The following CACHD1 variants were observed in gnomAD, a reference collection of about 807,000 sequenced individuals.
CACHD1 encodes cache domain containing 1, also known as VWFA and cache domain-containing protein 1.
A neutral mutation model predicts 138.7 loss-of-function variants in CACHD1; 71 were observed. That is an observed-to-expected ratio of 0.51 (90% CI 0.42 to 0.62). CACHD1 has a LOEUF of 0.62. Among genes scored for constraint, CACHD1 ranks in the 20% least tolerant of loss-of-function variants. CACHD1 has a pLI of 0.00. For missense variants in CACHD1, 1,389 were observed against 1,625.3 expected (o/e 0.85, Z 2.50); for synonymous variants, 578 against 591.5 (o/e 0.98, Z 0.33).
chr1:64,588,764 G>A (rs755223831), intron 3 of CACHD1, among the ~76,000 whole-genome samples: 24 of 152,076 alleles, frequency 1.6e-4, no homozygotes, highest in Non-Finnish European at 2.6e-4. Context: ...CTACCTGTTG[G>A]TATTCTTATT....
chr1:64,582,585 T>C (rs1647021475), intron 3 of CACHD1, among the ~76,000 whole-genome samples: 1 of 152,178 alleles, frequency 6.6e-6, no homozygotes, highest in South Asian at 2.1e-4. Flanking sequence ...AGAATCTAAA[T>C]CTAGAAAATT....
intron 3 of CACHD1, among the ~76,000 whole-genome samples, chr1:64,600,583 C>G (rs1570405169): frequency 6.6e-6 from 1 of 152,248 alleles, no homozygotes; most frequent in East Asian, 1.9e-4. Context: ...AATATGAGCA[C>G]CTACTTATGA....
intron 26 of CACHD1, among the ~76,000 whole-genome samples, chr1:64,686,050 A>G (rs892521245): frequency 1.3e-5 from 2 of 152,310 alleles, no homozygotes; most frequent in African/African-American, 4.8e-5. Flanking sequence ...AGCTTCCTTA[A>G]AAGAGTAAAA....
At chr1:64,478,614 C>G (rs1034403366) in intron 1 of CACHD1, among the ~76,000 whole-genome samples, 2 of 152,136 alleles carry the variant, frequency 1.3e-5, no homozygotes, top group Non-Finnish European at 2.9e-5. Flanking sequence ...CCCTAAGACC[C>G]CAGAGCTCTG....
At chr1:64,566,685 TA>T (rs1205677327) in intron 2 of CACHD1, among the ~76,000 whole-genome samples, 1 of 151,896 alleles carries the variant, frequency 6.6e-6, no homozygotes, top group African/African-American at 2.4e-5. Context: ...GGCTTTTTTT[TA>T]AATGGTCTAT....
At chr1:64,674,268 G>A (rs895971295) in intron 19 of CACHD1, among the ~76,000 whole-genome samples, 6 of 152,162 alleles carry the variant, frequency 3.9e-5, no homozygotes, top group African/African-American at 1.4e-4. Context: ...TTCAAAGCAA[G>A]GGAAGTCATT....
chr1:64,483,507 A>G (rs1327981418), intron 1 of CACHD1, among the ~76,000 whole-genome samples: 2 of 151,982 alleles, frequency 1.3e-5, no homozygotes, highest in Admixed American at 6.6e-5. Flanking sequence ...GTAAATTTTG[A>G]GTAATGTTTT....
At chr1:64,655,456 T>C (rs1649231125) in intron 12 of CACHD1, among the ~76,000 whole-genome samples, 1 of 152,190 alleles carries the variant, frequency 6.6e-6, no homozygotes, top group Non-Finnish European at 1.5e-5. Flanking sequence ...TTGGTTTTTT[T>C]CAGTTCAACT....
chr1:64,653,361 A>G (rs1373540695), intron 10 of CACHD1, among the ~76,000 whole-genome samples: 2 of 149,976 alleles, frequency 1.3e-5, no homozygotes, highest in East Asian at 4.0e-4. Flanking sequence ...AAACCTGCAC[A>G]TGTACCCCTG....
At chr1:64,482,002 A>T (rs1165230798) in intron 1 of CACHD1, among the ~76,000 whole-genome samples, 2 of 152,228 alleles carry the variant, frequency 1.3e-5, no homozygotes, top group East Asian at 3.8e-4. Flanking sequence ...GTATATTACC[A>T]TTAAAAGATA....
intron 1 of CACHD1, among the ~76,000 whole-genome samples, chr1:64,510,726 A>G (rs975327105): frequency 1.3e-5 from 2 of 152,242 alleles, no homozygotes; most frequent in Non-Finnish European, 2.9e-5. Flanking sequence ...TGCCAAAACC[A>G]GAAATTGCCA....
At position 64,664,515 on chromosome 1, in the gene CACHD1, A is replaced by C. The variant is rs745569227; in HGVS notation, c.2112A>C (p.Glu704Asp). ...TTTCCCAGTTCTCTGTCAGAAATGA[A>C]GTAATGGCTACCAGCCACGTCACAG... The part of the protein sequence containing the change: ...NPGLKFSVRN[E>D]VMATSHVTDE... Residue 704 changes from glutamate to aspartate, a missense_variant, in exon 15 of 27, where the codon GAA (glutamate) becomes GAC (aspartate). Transcript: ENST00000651257. The C allele has an allele frequency of 6.2e-7, 1 of 1,614,046 alleles. No homozygotes were observed.
intron 1 of CACHD1, among the ~76,000 whole-genome samples, chr1:64,528,771 A>T (rs1646559841): frequency 6.6e-6 from 1 of 152,066 alleles, no homozygotes; most frequent in Non-Finnish European, 1.5e-5. Flanking sequence ...GGGATCTCTG[A>T]AAAGAAGAAT....
Position 64,653,799 on chromosome 1 carries a change from T to C in CACHD1, c.1582T>C (p.Leu528=). 1 of 1,613,486 alleles carries C rather than the reference T, an allele frequency of 6.2e-7. No homozygotes were observed. Among genetic ancestry groups the C allele is most frequent in the Non-Finnish European group, 8.5e-7 (1 of 1,179,468 alleles). ...CCCATCTCTTACCAGGCCATATTTA[T>C]TGTCAGAGCCCCCACTTCATACTGA... ...MHPSLTRPYL[L]SEPPLHTDII... The change falls in exon 11 of 27, where the codon TTG becomes CTG. Residue 528 remains leucine, a synonymous_variant. Transcript: ENST00000651257.
At chr1:64,653,386 TAAAAAAAA>T (rs60661882) in intron 10 of CACHD1, among the ~76,000 whole-genome samples, 7 of 108,476 alleles carry the variant, frequency 6.5e-5, no homozygotes, top group African/African-American at 2.2e-4. Flanking sequence ...TAAAAGAAGT[TAAAAAAAA>T]AAAAAAAAAA....
chr1:64,615,903 C>T (rs1476683423), intron 4 of CACHD1, among the ~76,000 whole-genome samples: 2 of 152,162 alleles, frequency 1.3e-5, no homozygotes, highest in Non-Finnish European at 2.9e-5. Flanking sequence ...CCATTTTATA[C>T]TTTCATTTTA....
At chr1:64,543,302 T>C (rs1392301402) in intron 1 of CACHD1, among the ~76,000 whole-genome samples, 1 of 150,864 alleles carries the variant, frequency 6.6e-6, no homozygotes, top group Non-Finnish European at 1.5e-5. Flanking sequence ...ATGCCTGTTA[T>C]CCCAGCACTT....
intron 4 of CACHD1, among the ~76,000 whole-genome samples, chr1:64,610,595 G>A (rs1557518338): frequency 6.6e-6 from 1 of 152,188 alleles, no homozygotes; most frequent in Admixed American, 6.5e-5. Context: ...ACATCCAGGG[G>A]TATGCTGATA....
At chr1:64,521,444 C>A (rs1162568500) in intron 1 of CACHD1, among the ~76,000 whole-genome samples, 1 of 152,188 alleles carries the variant, frequency 6.6e-6, no homozygotes, top group Non-Finnish European at 1.5e-5. Flanking sequence ...CTGAAAGTTG[C>A]TGTGCCATGT....
Sources: allele counts gnomAD v4.1 joint callset (sites outside exome capture counted in the v4.1 genomes callset), GRCh38; gene constraint gnomAD v4.1.1; transcripts MANE v1.5; gene names NCBI Gene and HGNC (gene_info 2026-07-23, HGNC 2026-07-21).